The following SS18 variants were observed in gnomAD, a reference collection of about 807,000 sequenced individuals.
SS18 encodes SS18 subunit of BAF chromatin remodeling complex.
In SS18, 28 loss-of-function variants were observed where a neutral mutation model predicts 72.5. That is an observed-to-expected ratio of 0.39 (90% CI 0.29 to 0.53). The LOEUF is 0.53. SS18 is among the 20% of genes least tolerant of loss of function. SS18 has a pLI of 0.76. For missense variants in SS18, 518 were observed against 535.3 expected, an observed-to-expected ratio of 0.97 and a Z score of 0.32; for synonymous variants, 172 against 164.2, an observed-to-expected ratio of 1.05 and a Z score of -0.37.
At chr18:26,068,055 G>A (rs574666181) in intron 3 of SS18, among the ~76,000 whole-genome samples, 7 of 152,184 alleles carry the variant, frequency 4.6e-5, no homozygotes, top group East Asian at 1.9e-4. Context: ...GAGCTCAGGC[G>A]GTAATGCTCT....
At chr18:26,090,636 C>A, upstream of SS18, 1 of 1,490,172 alleles carries the variant, frequency 6.7e-7, no homozygotes, top group South Asian at 1.2e-5. Context: ...GGGGGAGAGA[C>A]GCCGGCCTCT....
intron 10 of SS18, 35 bp from the exon 11 acceptor site, chr18:26,018,415 A>C (rs2053286101): frequency 7.0e-7 from 1 of 1,424,258 alleles, no homozygotes; most frequent in African/African-American, 1.4e-5. Context: ...ATTAGATAAT[A>C]GTTTGACCAT....
intron 4 of SS18, among the ~76,000 whole-genome samples, chr18:26,055,402 G>A (rs748253076): frequency 3.3e-5 from 5 of 152,056 alleles, no homozygotes; most frequent in Non-Finnish European, 7.4e-5. Flanking sequence ...GGGAGGCAGA[G>A]GTTGCAGTGA....
At chr18:26,077,347 T>C (rs1442848849) in intron 3 of SS18, among the ~76,000 whole-genome samples, 1 of 151,974 alleles carries the variant, frequency 6.6e-6, no homozygotes, top group African/African-American at 2.4e-5. Flanking sequence ...CCAGTTTACA[T>C]GAAATAAGAG....
At chr18:26,074,978 CTAAT>C (rs1225145395) in intron 3 of SS18, among the ~76,000 whole-genome samples, 1 of 151,908 alleles carries the variant, frequency 6.6e-6, no homozygotes, top group Admixed American at 6.5e-5. Flanking sequence ...TATTTTCATG[CTAAT>C]TAATGTTCAA....
rs562733712 is a variant in SS18 at position 26,053,430 on chromosome 18, C to A, written c.386-585G>T. On this transcript the variant is annotated intron_variant, in intron 4 of 10. Coordinates refer to ENST00000415083, the MANE Select transcript of SS18 (RefSeq NM_001007559.3). ...AATTTTAAAAATAATAATGGAAGGA[C>A]CTTCTTAAGTATGCCAGAAAACCCT... 4.0e-5 allele frequency among the ~76,000 whole-genome samples: 6 copies of A among 151,260 alleles called. No homozygotes were observed. The South Asian group carries it at 1.3e-3, about 32-fold the overall frequency.
At chr18:26,079,892 T>C (rs2054485147) in intron 2 of SS18, among the ~76,000 whole-genome samples, 1 of 151,952 alleles carries the variant, frequency 6.6e-6, no homozygotes, top group South Asian at 2.1e-4. Context: ...AATCCTAGCA[T>C]ATTCTTTGCT....
chr18:26,023,686 CA>C (rs914811734), intron 10 of SS18: 1 of 523,428 alleles, frequency 1.9e-6, no homozygotes, highest in African/African-American at 1.9e-5. Context: ...ACATTTTTTT[CA>C]GACATACAAA....
chr18:26,043,472 C>G (rs965320147), intron 5 of SS18, among the ~76,000 whole-genome samples: 2 of 152,096 alleles, frequency 1.3e-5, no homozygotes, highest in African/African-American at 4.8e-5. Context: ...ACTATTTGTT[C>G]CTTAACCATT....
chr18:26,082,823 A>G (rs1216787116), intron 2 of SS18, among the ~76,000 whole-genome samples: 2 of 152,126 alleles, frequency 1.3e-5, no homozygotes, highest in African/African-American at 4.8e-5. Flanking sequence ...ATTTTTACAC[A>G]TTTTTGTTTT....
At chr18:26,031,557 T>C (rs890162363) in intron 10 of SS18, among the ~76,000 whole-genome samples, 1 of 152,222 alleles carries the variant, frequency 6.6e-6, no homozygotes, top group Non-Finnish European at 1.5e-5. Flanking sequence ...GCCATAATAA[T>C]AAATCATTTC....
At chr18:26,053,799 C>T (rs1416085785) in intron 4 of SS18, among the ~76,000 whole-genome samples, 1 of 152,168 alleles carries the variant, frequency 6.6e-6, no homozygotes, top group Non-Finnish European at 1.5e-5. Flanking sequence ...AAAGTTCGAT[C>T]TAACTATATT....
rs1444505404 is a variant in SS18, at chr18:26,016,458, C to G, written c.*1896G>C. The G allele has an allele frequency of 5.5e-6, 1 of 181,418 alleles. No individual in the cohort carries two copies. The highest frequency in any genetic ancestry group is 1.2e-5 in the Non-Finnish European group (1 of 84,900). The allele number at this position is 181,418 out of a possible 1,614,324, so 11.2% of individuals were successfully genotyped here. A position where few individuals can be genotyped will look rare whatever the true frequency, so the allele number is the denominator to read the frequency against. On this transcript the variant is annotated 3_prime_UTR_variant, in exon 11 of 11. Transcript: ENST00000415083. ...CCTATTCTGGCCAGGCACGGTGGCT[C>G]ACGCCTGTAATCCCAGCACTTTGGA...
chr18:26,021,943 T>A (rs569964612), intron 10 of SS18, among the ~76,000 whole-genome samples: 1 of 152,236 alleles, frequency 6.6e-6, no homozygotes, highest in East Asian at 1.9e-4. Context: ...AAATAGAGAT[T>A]TGGGAGTCAA....
chr18:26,055,223 T>G (rs1311803945), intron 4 of SS18, among the ~76,000 whole-genome samples: 2 of 151,902 alleles, frequency 1.3e-5, no homozygotes, highest in Non-Finnish European at 1.5e-5. Flanking sequence ...TCCCAGCACT[T>G]TGGGAGGCTG....
intron 2 of SS18, among the ~76,000 whole-genome samples, chr18:26,080,663 T>C (rs2054501190): frequency 1.3e-5 from 2 of 152,232 alleles, no homozygotes; most frequent in African/African-American, 4.8e-5. Context: ...CAATTTTTAA[T>C]TGTGAAATAA....
intron 2 of SS18, among the ~76,000 whole-genome samples, chr18:26,083,330 G>A (rs948445366): frequency 7.2e-5 from 11 of 152,086 alleles, no homozygotes; most frequent in Non-Finnish European, 1.5e-4. Flanking sequence ...TACACTATCC[G>A]TGACATATAC....
intron 10 of SS18, among the ~76,000 whole-genome samples, chr18:26,020,917 T>A (rs1256833589): frequency 6.6e-6 from 1 of 152,122 alleles, no homozygotes; most frequent in African/African-American, 2.4e-5. Context: ...GAATACGCAA[T>A]AATGAGGAGT....
intron 5 of SS18, among the ~76,000 whole-genome samples, chr18:26,047,650 G>C (rs961816825): frequency 6.6e-6 from 1 of 151,894 alleles, no homozygotes; most frequent in Non-Finnish European, 1.5e-5. Flanking sequence ...GACCATCCTG[G>C]CTAACACGGT....
Sources: gnomAD v4.1 joint callset for allele counts (sites outside exome capture counted in the v4.1 genomes callset) on GRCh38, gnomAD v4.1.1 for gene constraint, MANE v1.5 for transcripts, NCBI Gene and HGNC (gene_info 2026-07-23, HGNC 2026-07-21) for gene names.